The following MEP1B variants were observed in gnomAD, a reference collection of about 807,000 sequenced individuals.
The protein encoded by MEP1B is N-benzoyl-L-tyrosyl-P-amino-benzoic acid hydrolase subunit beta.
Under a neutral mutation model 84.6 loss-of-function variants are expected in MEP1B, and 80 were observed. The ratio of observed to expected loss-of-function variants is 0.95; its 90% CI spans 0.79 to 1.14. MEP1B has a LOEUF of 1.14. Ranked by LOEUF, MEP1B falls within the 50% of genes most tolerant of loss-of-function variation. The probability of loss-of-function intolerance (pLI) is 0.00; values close to 1 mark genes in which losing one functional copy is unlikely to be tolerated. For synonymous variants in MEP1B, 273 were observed against 288.1 expected, an observed-to-expected ratio of 0.95 and a Z score of 0.53; for missense variants, 766 against 855.1, an observed-to-expected ratio of 0.90 and a Z score of 1.30.
At chr18:32,208,509 A>C (rs2040989425) in intron 9 of MEP1B, among the ~76,000 whole-genome samples, 2 of 152,164 alleles carry the variant, frequency 1.3e-5, no homozygotes, top group South Asian at 4.1e-4. Context: ...TGCCTCTACC[A>C]GTGCGTTCCC....
chr18:32,196,710 C>T lies in MEP1B; in HGVS notation c.250+1225C>T. On this transcript the variant is annotated intron_variant, in intron 5 of 14. Coordinates refer to ENST00000269202, the MANE Select transcript of MEP1B (RefSeq NM_005925.3). The surrounding 1 kb of genome is among the most constrained non-coding windows in gnomAD (Gnocchi z 4.4). ...GAGGTAGTGGGCGCCCTGCAGCAGG[C>T]TGAGGGCCAGGGACAGCTGCCTGCT... The T allele has an allele frequency of 3.1e-6, 2 of 639,646 alleles. No homozygotes were observed. Among genetic ancestry groups the T allele is most frequent in the South Asian group, 3.5e-5 (2 of 56,630 alleles). 39.6% of individuals were successfully genotyped at this position (639,646 alleles called of 1,614,324 possible).
chr18:32,201,848 G>A (rs1598890546), intron 5 of MEP1B, among the ~76,000 whole-genome samples: 1 of 152,216 alleles, frequency 6.6e-6, no homozygotes, highest in African/African-American at 2.4e-5. Flanking sequence ...GATCTTCTTA[G>A]ACCTGCCTCA....
chr18:32,198,665 G>A (rs1197144280), intron 5 of MEP1B, among the ~76,000 whole-genome samples: 4 of 152,142 alleles, frequency 2.6e-5, no homozygotes, highest in Admixed American at 2.0e-4. Context: ...GCAGGTAGGC[G>A]GAACGCAAAT....
intron 4 of MEP1B, among the ~76,000 whole-genome samples, chr18:32,193,367 T>C (rs1315302143): frequency 2.0e-5 from 3 of 152,138 alleles, no homozygotes; most frequent in Non-Finnish European, 4.4e-5. Flanking sequence ...GACTAAAAAG[T>C]TCACTATCAT....
chr18:32,201,768 T>C (rs2040915331), intron 5 of MEP1B, among the ~76,000 whole-genome samples: 1 of 152,218 alleles, frequency 6.6e-6, no homozygotes, highest in African/African-American at 2.4e-5. Flanking sequence ...TGTGGTATTG[T>C]AAAAGTCTGA....
In MEP1B at chr18:32,213,103, G is replaced by T; in HGVS notation, c.1136-13G>T. 1 of 1,606,420 alleles carries T rather than the reference G, an allele frequency of 6.2e-7. No homozygotes were observed. The highest frequency in any genetic ancestry group is 1.1e-5 in the South Asian group (1 of 90,652). ...ACTTCTTTGTCTTTGAAATAATAAT[G>T]ACTCTTTTGCAGAAATACCCACTGG... is the stretch of plus-strand genomic sequence containing the variant. On this transcript the variant is annotated splice_polypyrimidine_tract_variant and intron_variant, in intron 10 of 14. Transcript: ENST00000269202.
chr18:32,203,060 C>A (rs2040928797), intron 6 of MEP1B, 50 bp downstream of exon 6: 1 of 1,066,838 alleles, frequency 9.4e-7, no homozygotes, highest in South Asian at 1.4e-5. Context: ...ACTCTAGTGC[C>A]TGGGACATTA....
Position 32,196,428 on chromosome 18 carries a change from A to G in MEP1B, c.250+943A>G. 1 of 694,894 alleles carries G rather than the reference A, an allele frequency of 1.4e-6. No homozygotes were observed. Among genetic ancestry groups the G allele is most frequent in the East Asian group, 2.7e-5 (1 of 36,894 alleles). The allele number at this position is 694,894 out of a possible 1,614,324, so 43.0% of individuals were successfully genotyped here. ...CCTGGTCCTCGCCCAGCTGGGTCTT[A>G]CAGAGGGTGTGCAGCCAGCCCTTCC... is the stretch of plus-strand genomic sequence containing the variant. On this transcript the variant is annotated intron_variant, in intron 5 of 14. Coordinates refer to ENST00000269202, the MANE Select transcript of MEP1B (RefSeq NM_005925.3). This position sits in a 1 kb window ranked among gnomAD's most constrained non-coding sequence, Gnocchi z 4.4.
rs976806 is a variant in MEP1B, at chr18:32,198,307, G to A, written c.250+2822G>A. On this transcript the variant is annotated intron_variant, in intron 5 of 14. Transcript: ENST00000269202. ...GACTTTTTGACTGAGAGAAATGAAT[G>A]AAGAATGCCATTAATGATGTAGAGC... Among the ~76,000 whole-genome samples the A allele has an allele frequency of 2.0e-3, 302 of 152,336 alleles. 1 individual carries two copies. Among genetic ancestry groups the A allele is most frequent in the African/African-American group, 6.8e-3 (283 of 41,576 alleles).
chr18:32,211,678 C>G (rs886621389), intron 10 of MEP1B, among the ~76,000 whole-genome samples: 6 of 152,088 alleles, frequency 3.9e-5, no homozygotes, highest in African/African-American at 1.2e-4. Flanking sequence ...ACCCTTCATA[C>G]CAATAATGTG....
intron 9 of MEP1B, among the ~76,000 whole-genome samples, chr18:32,209,345 G>C (rs980543134): frequency 1.3e-5 from 2 of 152,124 alleles, no homozygotes; most frequent in African/African-American, 4.8e-5. Flanking sequence ...AAATTAGCTG[G>C]GTGTGGTGGT....
At chr18:32,208,345 A>AT in intron 9 of MEP1B, 74 bp downstream of exon 9, 1 of 1,354,234 alleles carries the variant, frequency 7.4e-7, no homozygotes, top group Non-Finnish European at 9.9e-7. Context: ...AAAGAATGGG[A>AT]TTTTATCTCT....
intron 2 of MEP1B, 77 bp downstream of exon 2, chr18:32,191,917 C>A: frequency 1.2e-6 from 1 of 852,808 alleles, no homozygotes; most frequent in Non-Finnish European, 1.9e-6. Flanking sequence ...TACATAATTA[C>A]ATATGCATAA....
Position 32,217,891 on chromosome 18 carries a change from G to C in MEP1B, c.2017G>C (p.Val673Leu). 1 of 1,613,912 alleles carries C rather than the reference G, an allele frequency of 6.2e-7. No individual in the cohort carries two copies. Among genetic ancestry groups the C allele is most frequent in the Non-Finnish European group, 8.5e-7 (1 of 1,179,876 alleles). The change falls in exon 14 of 15, where the codon GTC becomes CTC. Residue 673 changes from valine (V) to leucine (L), a missense_variant. Coordinates refer to ENST00000269202, the MANE Select transcript of MEP1B (RefSeq NM_005925.3). ...TGCCTTGATGCTGATCATCACCCTT[G>C]TCAGTGTCTATTGCACCAGGAAGAA... ...VFALMLIITL[V>L]SVYCTRKKYR...
chr18:32,193,917 C>T (rs2040827273), intron 4 of MEP1B, among the ~76,000 whole-genome samples: 3 of 152,122 alleles, frequency 2.0e-5, no homozygotes, highest in Admixed American at 2.0e-4. Flanking sequence ...TCTCCTTTCC[C>T]TGAGCTCCAG....
intron 10 of MEP1B, 39 bp from the exon 11 acceptor site, chr18:32,213,077 A>G: frequency 6.4e-7 from 1 of 1,571,864 alleles, no homozygotes; most frequent in Non-Finnish European, 8.7e-7. Flanking sequence ...ACATGATTTG[A>G]ACTTCTTTGT....
Position 32,213,298 on chromosome 18 carries a change from T to C in MEP1B, c.1318T>C (p.Phe440Leu). 2 of 1,613,994 alleles carry C rather than the reference T, an allele frequency of 1.2e-6. No individual in the cohort carries two copies. Among genetic ancestry groups the C allele is most frequent in the Non-Finnish European group, 1.7e-6 (2 of 1,179,868 alleles). The change falls in exon 11 of 15, where the codon TTC (phenylalanine) becomes CTC (leucine). Residue 440 changes from phenylalanine (F) to leucine (L), a missense_variant. Coordinates refer to ENST00000269202, the MANE Select transcript of MEP1B (RefSeq NM_005925.3). ...HIWHIRNFTQ[F>L]IGSPNGTLYS... ...CTGGCATATAAGGAATTTCACACAG[T>C]TCATTGGCAGCCCAAATGGAACTCT...
intron 13 of MEP1B, 31 bp downstream of exon 13, chr18:32,217,148 T>G (rs1568274345): frequency 6.2e-7 from 1 of 1,604,440 alleles, no homozygotes; most frequent in Admixed American, 1.7e-5. Context: ...ATCTCTCCAT[T>G]CTTTGGTTAG....
chr18:32,219,829 C>CACAT (rs1381554190), intron 14 of MEP1B, among the ~76,000 whole-genome samples: 16 of 152,022 alleles, frequency 1.1e-4, no homozygotes, highest in Non-Finnish European at 1.8e-4. Flanking sequence ...CACACACACA[C>CACAT]ACTCCATAAT....
Sources: gnomAD v4.1 joint callset for allele counts (sites outside exome capture counted in the v4.1 genomes callset) on GRCh38, gnomAD v4.1.1 for gene constraint, Gnocchi (gnomAD v3.1) non-coding constraint, MANE v1.5 for transcripts, NCBI Gene and HGNC (gene_info 2026-07-23, HGNC 2026-07-21) for gene names.